ERAP2: variants seen among roughly 807,000 people sequenced by gnomAD.
ERAP2 encodes endoplasmic reticulum aminopeptidase 2, also known as leukocyte-derived arginine aminopeptidase.
Under a neutral mutation model 111.1 loss-of-function variants are expected in ERAP2, and 118 were observed. That is an observed-to-expected ratio of 1.06 (90% CI 0.92 to 1.24). The LOEUF (loss-of-function observed/expected upper bound fraction) is 1.24, where lower values mean the gene tolerates loss of function less well. Among genes scored for constraint, ERAP2 ranks in the 50% most tolerant of loss-of-function variants. The pLI is 0.00. For synonymous variants in ERAP2, 410 were observed against 401.2 expected, an observed-to-expected ratio of 1.02 and a Z score of -0.26; for missense variants, 1,131 against 1,125.8, an observed-to-expected ratio of 1.00 and a Z score of -0.07.
chr5:96,915,546 T>C (rs1787284750), intron 17 of ERAP2, 142 bp from the exon 18 acceptor site: 2 of 426,324 alleles, frequency 4.7e-6, no homozygotes, highest in Non-Finnish European at 8.1e-6. Flanking sequence ...GGATGAATGT[T>C]ATTATGGTAA....
chr5:96,906,232 C>A (rs1786068529), intron 13 of ERAP2, among the ~76,000 whole-genome samples: 1 of 151,792 alleles, frequency 6.6e-6, no homozygotes, highest in African/African-American at 2.4e-5. Context: ...TTCTCCTCCT[C>A]CTCTTCCTCT....
Position 96,883,954 on chromosome 5 carries a change from T to C in ERAP2, c.714+24T>C, listed in dbSNP as rs777650524. The C allele has an allele frequency of 4.5e-6, 7 of 1,549,792 alleles. No homozygotes were observed. The East Asian group carries it at 1.4e-4, about 31-fold the overall frequency. On this transcript the variant is annotated intron_variant, in intron 3 of 18. Coordinates refer to ENST00000437043, the MANE Select transcript of ERAP2 (RefSeq NM_022350.5). ...AGGTATGTCCACTTCCAGAAACTTTTAGAAATTGTTCTCAAGTTGAGACTC... is the reference window on the plus strand; with the variant it reads ...AGGTATGTCCACTTCCAGAAACTTTCAGAAATTGTTCTCAAGTTGAGACTC...
intron 12 of ERAP2, 151 bp downstream of exon 12, chr5:96,902,504 CTT>C (rs1443698163): frequency 1.1e-5 from 6 of 542,268 alleles, no homozygotes; most frequent in Admixed American, 3.3e-5. Flanking sequence ...TAAAATAACT[CTT>C]TTAGTAAGAA....
intron 5 of ERAP2, 88 bp from the exon 6 acceptor site, chr5:96,892,211 A>G (rs895197091): frequency 7.5e-7 from 1 of 1,340,290 alleles, no homozygotes; most frequent in African/African-American, 1.5e-5. Context: ...AATATGCTTA[A>G]AGGATCATAG....
chr5:96,883,276 C>T (rs1232237675), intron 2 of ERAP2, among the ~76,000 whole-genome samples: 2 of 152,202 alleles, frequency 1.3e-5, no homozygotes, highest in Non-Finnish European at 2.9e-5. Context: ...CCCTGTCCTG[C>T]TTCCCTCACT....
chr5:96,903,651 T>A, intron 13 of ERAP2, 91 bp downstream of exon 13: 1 of 1,197,586 alleles, frequency 8.4e-7, no homozygotes, highest in Non-Finnish European at 1.2e-6. Context: ...ACATTGGTCA[T>A]TGATTTAATA....
chr5:96,879,390 T>C (rs1000060125), intron 1 of ERAP2, among the ~76,000 whole-genome samples, 174 bp from the exon 2 acceptor site: 1 of 152,246 alleles, frequency 6.6e-6, no homozygotes, highest in South Asian at 2.1e-4. Flanking sequence ...AAAGGGTTTT[T>C]ATTTGTAATA....
In ERAP2 at chr5:96,909,666, G is replaced by A. The variant is rs748703026; in HGVS notation, c.2256G>A (p.Ser752=). 13 of 1,614,150 alleles carry A rather than the reference G, an allele frequency of 8.1e-6. 1 individual carries two copies. In the Admixed American group the frequency reaches 8.3e-5, roughly 10 times the overall value. Residue 752 remains serine (S), a synonymous_variant, in exon 15 of 19, where the codon TCG becomes TCA. Transcript: ENST00000437043. The stretch of plus-strand genomic sequence containing the variant: ...CAGTCTGGGACAGGATGCTCCGCTC[G>A]GCTCTCTTGAAGCTGGCCTGTGACC... ...KGSVWDRMLR[S]ALLKLACDLN... is the part of the protein sequence containing the mutation.
chr5:96,916,269 G>T (rs1787374057), intron 18 of ERAP2, among the ~76,000 whole-genome samples: 1 of 150,874 alleles, frequency 6.6e-6, no homozygotes, highest in Non-Finnish European at 1.5e-5. Flanking sequence ...GCAAAAAAAA[G>T]CCCCTGACTC....
Position 96,895,296 on chromosome 5 carries a change from G to T in ERAP2, c.1176G>T (p.Lys392Asn), listed in dbSNP as rs2549782. 0.52 allele frequency: 835,855 copies of T among 1,610,802 alleles called. 218,341 individuals are homozygous for T. The highest frequency in any genetic ancestry group is 0.61 in the Admixed American group (36,379 of 59,698). The change falls in exon 7 of 19, where the codon AAG (lysine) becomes AAT (asparagine). Residue 392 changes from lysine (K) to asparagine (N), a missense_variant. Transcript: ENST00000437043. ...TMEWWNDIWL[K>N]EGFAKYMELI... The stretch of plus-strand genomic sequence containing the variant: ...AATGGTGGAATGATATTTGGCTTAA[G>T]GAGGGTTTTGCAAAATACATGGAAC...
At position 96,911,050 on chromosome 5, in the gene ERAP2, G is replaced by A. The variant is rs149895784; in HGVS notation, c.2354+1286G>A. On this transcript the variant is annotated intron_variant, in intron 15 of 18. Transcript: ENST00000437043. ...ATTATATTATTCAAATGTCACTTGG[G>A]GTATTTAAGTACATATAGTATAGAG... 1.2e-4 allele frequency among the ~76,000 whole-genome samples: 19 copies of A among 152,124 alleles called. 1 individual carries two copies. The East Asian group carries it at 3.7e-3, about 29-fold the overall frequency.
chr5:96,901,738 C>G, intron 11 of ERAP2, 57 bp downstream of exon 11: 1 of 1,548,564 alleles, frequency 6.5e-7, no homozygotes. Flanking sequence ...CTCGTTATTT[C>G]CTTAGCTTTC....
intron 17 of ERAP2, among the ~76,000 whole-genome samples, chr5:96,915,374 G>A (rs766436306): frequency 6.6e-6 from 1 of 152,060 alleles, no homozygotes; most frequent in African/African-American, 2.4e-5. Context: ...TTACTGACTG[G>A]AGTATGTAGT....
chr5:96,894,558 A>G (rs1278251038), intron 6 of ERAP2, among the ~76,000 whole-genome samples: 1 of 152,246 alleles, frequency 6.6e-6, no homozygotes, highest in African/African-American at 2.4e-5. Flanking sequence ...AAAAGCACAT[A>G]AAAGAATAGT....
rs375167935 is a variant in ERAP2 at position 96,895,360 on chromosome 5, G to C, written c.1239+1G>C. 53 of 1,584,428 alleles carry C rather than the reference G, an allele frequency of 3.3e-5. No homozygotes were observed. The African/African-American group carries it at 6.5e-4, about 19-fold the overall frequency. ...TGCTACATATCCAGAGCTGCAATTT[G>C]TAAGTTCACAATTCTGTGTATCATA... On this transcript the variant is annotated splice_donor_variant, in intron 7 of 18. Coordinates refer to ENST00000437043, the MANE Select transcript of ERAP2 (RefSeq NM_022350.5). LOFTEE classifies it high-confidence loss of function.
At chr5:96,904,896 A>T (rs1016532790) in intron 13 of ERAP2, among the ~76,000 whole-genome samples, 1 of 152,236 alleles carries the variant, frequency 6.6e-6, no homozygotes, top group African/African-American at 2.4e-5. Flanking sequence ...TAATGAAGTT[A>T]AGAATACAAA....
chr5:96,917,795 A>G lies in ERAP2; in HGVS notation c.*190A>G, dbSNP rs1484305653. 7 of 321,468 alleles carry G rather than the reference A, an allele frequency of 2.2e-5. No homozygotes were observed. Among genetic ancestry groups the G allele is most frequent in the Non-Finnish European group, 4.0e-5 (7 of 173,470 alleles). 19.9% of individuals were successfully genotyped at this position (321,468 alleles called of 1,614,324 possible). Reference sequence around the variant, plus strand: ...GTGGCAGGTGCCTGTAGTCCCAGCTACTCGGCAGGCTGCAGCAGGAAAATG... The same window carrying G: ...GTGGCAGGTGCCTGTAGTCCCAGCTGCTCGGCAGGCTGCAGCAGGAAAATG... On this transcript the variant is annotated 3_prime_UTR_variant, in exon 19 of 19. Coordinates refer to ENST00000437043, the MANE Select transcript of ERAP2 (RefSeq NM_022350.5).
At chr5:96,898,161 A>C (rs747581516) in intron 9 of ERAP2, among the ~76,000 whole-genome samples, 1 of 152,118 alleles carries the variant, frequency 6.6e-6, no homozygotes, top group African/African-American at 2.4e-5. Context: ...GCACCACTGC[A>C]CTCCAGCCTG....
At chr5:96,899,279 T>C (rs1472486686) in intron 9 of ERAP2, among the ~76,000 whole-genome samples, 1 of 152,176 alleles carries the variant, frequency 6.6e-6, no homozygotes, top group Non-Finnish European at 1.5e-5. Flanking sequence ...GTTCCTAGTT[T>C]TAAGAAAAGT....
Sources: allele counts gnomAD v4.1 joint callset (sites outside exome capture counted in the v4.1 genomes callset), GRCh38; gene constraint gnomAD v4.1.1; transcripts MANE v1.5; gene names NCBI Gene and HGNC (gene_info 2026-07-23, HGNC 2026-07-21).